CCDC150: variants seen among roughly 807,000 people sequenced by gnomAD.
CCDC150 encodes the protein coiled-coil domain-containing protein 150.
In CCDC150, 151 loss-of-function variants were observed where a neutral mutation model predicts 156.5. That is an observed-to-expected ratio of 0.97 (90% CI 0.85 to 1.10). The LOEUF (loss-of-function observed/expected upper bound fraction) is 1.10, where lower values mean the gene tolerates loss of function less well. Among genes scored for constraint, CCDC150 ranks in the 50% least tolerant of loss-of-function variants. CCDC150 has a pLI of 0.00. For synonymous variants in CCDC150, 452 were observed against 429.4 expected (o/e 1.05, Z -0.65); for missense variants, 1,312 against 1,268.1 (o/e 1.03, Z -0.53).
intron 2 of CCDC150, 142 bp from the exon 3 acceptor site, chr2:196,656,491 G>C (rs1693195027): frequency 3.2e-6 from 2 of 628,164 alleles, no homozygotes; most frequent in Non-Finnish European, 5.6e-6. Context: ...CCTATGTGGA[G>C]GGAGAGTCAG....
rs754466598 is a variant in CCDC150 at position 196,701,088 on chromosome 2, T to C, written c.1624-21T>C. On this transcript the variant is annotated intron_variant, in intron 14 of 27. Coordinates refer to ENST00000389175, the MANE Select transcript of CCDC150 (RefSeq NM_001080539.2). The stretch of plus-strand genomic sequence containing the variant: ...TCCTTTCTATGCCTAGAGGTTCTGA[T>C]GCCTTTGTTTGCCTTATCAGCTTGC... 3.2e-6 allele frequency: 5 copies of C among 1,565,330 alleles called. No homozygotes were observed. The South Asian group carries it at 5.8e-5, about 18-fold the overall frequency.
intron 15 of CCDC150, among the ~76,000 whole-genome samples, chr2:196,711,296 C>G (rs1372800087): frequency 6.6e-6 from 1 of 152,170 alleles, no homozygotes; most frequent in African/African-American, 2.4e-5. Context: ...ATTAACCATC[C>G]TGATTTCTAA....
Position 196,726,282 on chromosome 2 carries a change from C to G in CCDC150, c.2556+183C>G. 7.1e-6 allele frequency: 4 copies of G among 564,096 alleles called. No homozygotes were observed. In the South Asian group the frequency reaches 9.1e-5, roughly 13 times the overall value. 34.9% of individuals were successfully genotyped at this position (564,096 alleles called of 1,614,324 possible). Reference sequence around the variant, plus strand: ...AGAAAAAAGTTTCTGACATAATTCTCTGCCCGACAAAGGTGTGCCTTGATG... The same window carrying G: ...AGAAAAAAGTTTCTGACATAATTCTGTGCCCGACAAAGGTGTGCCTTGATG... On this transcript the variant is annotated intron_variant, in intron 22 of 27. Transcript: ENST00000389175.
rs181244179 is a variant in CCDC150 at position 196,730,047 on chromosome 2, C to A, written c.2911C>A (p.Arg971=). The change falls in exon 25 of 28, where the codon CGG becomes AGG. Residue 971 remains arginine, a synonymous_variant. Coordinates refer to ENST00000389175, the MANE Select transcript of CCDC150 (RefSeq NM_001080539.2). ...TAAGAGCCAATATGATGCCTCAGTG[C>A]GGAATAAACAGCAAGAGCTGCACCT... ...LAKSQYDASV[R]NKQQELHLEA... 1.2e-6 allele frequency: 2 copies of A among 1,613,676 alleles called. No homozygotes were observed. The highest frequency in any genetic ancestry group is 2.7e-5 in the African/African-American group (2 of 75,014).
chr2:196,713,444 G>A, intron 17 of CCDC150: 1 of 1,550,822 alleles, frequency 6.4e-7, no homozygotes, highest in Admixed American at 2.0e-5. Flanking sequence ...CAGTATAAAG[G>A]AAAGAACGTC....
At chr2:196,658,713 G>C (rs1362482798) in intron 4 of CCDC150, 79 bp from the exon 5 acceptor site, 2 of 1,023,964 alleles carry the variant, frequency 2.0e-6, no homozygotes, top group African/African-American at 1.7e-5. Context: ...AAAAAAACCT[G>C]ATTTGATCTG....
intron 15 of CCDC150, among the ~76,000 whole-genome samples, chr2:196,711,765 C>G (rs1231341057): frequency 2.0e-5 from 3 of 152,088 alleles, no homozygotes; most frequent in African/African-American, 7.2e-5. Context: ...ATTGACAGTT[C>G]TAATTATACA....
At chr2:196,676,457 C>G (rs532015392) in intron 11 of CCDC150, 97 bp from the exon 12 acceptor site, 4 of 1,313,264 alleles carry the variant, frequency 3.0e-6, no homozygotes, top group Admixed American at 4.7e-5. Context: ...TAACTACTCT[C>G]AGTCAGGAAA....
chr2:196,725,823 C>T, intron 21 of CCDC150, 150 bp from the exon 22 acceptor site: 2 of 575,910 alleles, frequency 3.5e-6, no homozygotes, highest in Non-Finnish European at 5.9e-6. Context: ...TGTTAATGAG[C>T]TCCAAATTAG....
chr2:196,649,893 G>T (rs369013133), intron 2 of CCDC150, among the ~76,000 whole-genome samples: 5 of 152,204 alleles, frequency 3.3e-5, no homozygotes, highest in African/African-American at 1.2e-4. Context: ...TCGTTTTTTG[G>T]TAGAGTCTTT....
At chr2:196,656,583 A>T in intron 2 of CCDC150, 50 bp from the exon 3 acceptor site, 1 of 1,280,984 alleles carries the variant, frequency 7.8e-7, no homozygotes, top group Non-Finnish European at 1.1e-6. Flanking sequence ...TGGGATTACC[A>T]TAGTAGAAAT....
chr2:196,721,173 G>A lies in CCDC150; in HGVS notation c.2260-349G>A, dbSNP rs187081560. Among the ~76,000 whole-genome samples, 149 of 150,688 alleles carry A rather than the reference G, an allele frequency of 9.9e-4. No individual in the cohort carries two copies. The East Asian group carries it at 0.02, about 20-fold the overall frequency. On this transcript the variant is annotated intron_variant, in intron 20 of 27. Coordinates refer to ENST00000389175, the MANE Select transcript of CCDC150 (RefSeq NM_001080539.2). Reference sequence around the variant, plus strand: ...CAGGTTTTTTTCTTCAAGGGAGTGAGACCAGAAGGTCATAGGATCAGGAAG... The same window carrying A: ...CAGGTTTTTTTCTTCAAGGGAGTGAAACCAGAAGGTCATAGGATCAGGAAG...
At chr2:196,710,521 C>A (rs2125687542) in intron 15 of CCDC150, among the ~76,000 whole-genome samples, 1 of 152,332 alleles carries the variant, frequency 6.6e-6, no homozygotes, top group South Asian at 2.1e-4. Context: ...ACTGTCCAAC[C>A]AGTCCCAATG....
chr2:196,649,852 C>T (rs1289960616), intron 2 of CCDC150, among the ~76,000 whole-genome samples: 3 of 152,048 alleles, frequency 2.0e-5, no homozygotes, highest in African/African-American at 7.2e-5. Flanking sequence ...GATTTTGTAT[C>T]CTGCAACTTT....
At chr2:196,695,724 T>G (rs1474450179) in intron 14 of CCDC150, among the ~76,000 whole-genome samples, 1 of 151,702 alleles carries the variant, frequency 6.6e-6, no homozygotes. Flanking sequence ...ATGCCTGTAG[T>G]TCCAGCTACT....
chr2:196,713,017 T>C (rs1162757168), intron 17 of CCDC150: 1 of 485,946 alleles, frequency 2.1e-6, no homozygotes, highest in Non-Finnish European at 3.6e-6. Flanking sequence ...TGTGTATCTA[T>C]ACCCCTGGTA....
At position 196,726,196 on chromosome 2, in the gene CCDC150, C is replaced by G; in HGVS notation, c.2556+97C>G. On this transcript the variant is annotated intron_variant, in intron 22 of 27. Transcript: ENST00000389175. ...TGGCTACAGTTGTTCTTTGACTCCTCTCATCCCCCTTTGATCAGCAGGCCA... is the reference window on the plus strand; with the variant it reads ...TGGCTACAGTTGTTCTTTGACTCCTGTCATCCCCCTTTGATCAGCAGGCCA... 2.9e-6 allele frequency: 4 copies of G among 1,365,966 alleles called. No homozygotes were observed. The South Asian group carries it at 5.3e-5, about 18-fold the overall frequency. 84.6% of individuals were successfully genotyped at this position (1,365,966 alleles called of 1,614,324 possible). A position where few individuals can be genotyped will look rare whatever the true frequency, so the allele number is the denominator to read the frequency against.
chr2:196,681,332 C>T (rs192895709), intron 13 of CCDC150, among the ~76,000 whole-genome samples: 1 of 152,190 alleles, frequency 6.6e-6, no homozygotes, highest in African/African-American at 2.4e-5. Flanking sequence ...TATGTATGTG[C>T]ACGCACACAC....
rs1368703215 is a variant in CCDC150, at chr2:196,718,499, T to A, written c.1867-4T>A. On this transcript the variant is annotated splice_polypyrimidine_tract_variant and splice_region_variant and intron_variant, in intron 17 of 27. Transcript: ENST00000389175. ...TTATTTATTGTTTCTTTTTTCCTAC[T>A]TAGGTGAAATCTATTCTTGAAAGAA... The A allele has an allele frequency of 6.2e-7, 1 of 1,602,038 alleles. No individual in the cohort carries two copies. The highest frequency in any genetic ancestry group is 1.7e-5 in the Admixed American group (1 of 58,346).
Sources: allele counts gnomAD v4.1 joint callset (sites outside exome capture counted in the v4.1 genomes callset), GRCh38; gene constraint gnomAD v4.1.1; transcripts MANE v1.5; gene names NCBI Gene and HGNC (gene_info 2026-07-23, HGNC 2026-07-21).